Variants in SRRM3 observed in about 807,000 individuals in gnomAD.
SRRM3 encodes the protein serine/arginine repetitive matrix 3.
SRRM3 carries 27 observed loss-of-function variants against 66.2 expected under a neutral mutation model. That is an observed-to-expected ratio of 0.41 (90% CI 0.30 to 0.56). SRRM3 has a LOEUF of 0.56. SRRM3 is among the 20% of genes least tolerant of loss of function. The pLI is 0.32. For missense variants in SRRM3, 918 were observed against 991.9 expected, an observed-to-expected ratio of 0.93 and a Z score of 1.00; for synonymous variants, 391 against 414.9, an observed-to-expected ratio of 0.94 and a Z score of 0.70.
intron 2 of SRRM3, among the ~76,000 whole-genome samples, chr7:76,243,039 A>G (rs1801349380): frequency 1.3e-5 from 2 of 152,124 alleles, no homozygotes; most frequent in South Asian, 4.1e-4. Flanking sequence ...TTCTTGAGGG[A>G]TCCACCCCCA....
chr7:76,258,471 T>C (rs1801768412), intron 3 of SRRM3, among the ~76,000 whole-genome samples: 1 of 151,364 alleles, frequency 6.6e-6, no homozygotes, highest in African/African-American at 2.4e-5. Flanking sequence ...TCCCAGCACG[T>C]TGGGAGGCCA....
At chr7:76,264,619 G>A in intron 8 of SRRM3, 146 bp from the exon 9 acceptor site, 2 of 741,090 alleles carry the variant, frequency 2.7e-6, no homozygotes, top group Non-Finnish European at 4.4e-6. Flanking sequence ...GGGTGGAGTA[G>A]GATGGAAAAG....
intron 3 of SRRM3, among the ~76,000 whole-genome samples, chr7:76,258,497 A>G (rs6978164): frequency 0.39 from 57,417 of 149,032 alleles, 13,263 homozygotes; most frequent in African/African-American, 0.64. Context: ...GGTGGATCAC[A>G]AGGTCAGGAG....
At chr7:76,258,728 AAAAAAGAAAAAG>A (rs1443420352) in intron 3 of SRRM3, among the ~76,000 whole-genome samples, 5 of 139,324 alleles carry the variant, frequency 3.6e-5, no homozygotes, top group South Asian at 2.2e-4. Context: ...AAAAAAAAAA[AAAAAAGAAAAAG>A]AAAAAGAAAA....
chr7:76,253,787 CAAAAAAAAAAAAA>C (rs782083114), intron 3 of SRRM3, among the ~76,000 whole-genome samples: 9 of 64,788 alleles, frequency 1.4e-4, no homozygotes, highest in African/African-American at 4.1e-4. Flanking sequence ...AACTCTGTTT[CAAAAAAAAAAAAA>C]AAAAAAAAAA....
In SRRM3 at chr7:76,260,047, C is replaced by T; in HGVS notation, c.464+13C>T. On this transcript the variant is annotated intron_variant, in intron 4 of 14. Coordinates refer to ENST00000611745, the MANE Select transcript of SRRM3 (RefSeq NM_001110199.3). ...ACCGCGGGTACAGGTCAGCGGCCGCCGCGGCGGGGGTGGGGGGCGCGCGGG... is the reference window on the plus strand; with the variant it reads ...ACCGCGGGTACAGGTCAGCGGCCGCTGCGGCGGGGGTGGGGGGCGCGCGGG... The T allele has an allele frequency of 6.6e-7, 1 of 1,510,672 alleles. No homozygotes were observed. Among genetic ancestry groups the T allele is most frequent in the Non-Finnish European group, 8.8e-7 (1 of 1,136,512 alleles). The allele number at this position is 1,510,672 out of a possible 1,614,324, so 93.6% of individuals were successfully genotyped here.
At chr7:76,281,134 T>G (rs111219217) in intron 11 of SRRM3, among the ~76,000 whole-genome samples, 20,441 of 150,086 alleles carry the variant, frequency 0.14, 1,559 homozygotes, top group East Asian at 0.19. Context: ...CTCTTTCTCT[T>G]CTCTGCCTCC....
At chr7:76,227,261 G>GC (rs1310882047) in intron 1 of SRRM3, among the ~76,000 whole-genome samples, 4 of 152,132 alleles carry the variant, frequency 2.6e-5, no homozygotes, top group African/African-American at 9.7e-5. Context: ...CAGTGTCAAT[G>GC]CCCCCAAAGA....
At chr7:76,222,401 A>C (rs1583877468) in intron 1 of SRRM3, among the ~76,000 whole-genome samples, 11 of 126,270 alleles carry the variant, frequency 8.7e-5, no homozygotes, top group Admixed American at 1.7e-4. Flanking sequence ...GTGATAGGAG[A>C]CCCCGTCTCA....
chr7:76,264,161 CTTT>C (rs781826102), intron 8 of SRRM3, among the ~76,000 whole-genome samples: 3 of 126,358 alleles, frequency 2.4e-5, no homozygotes, highest in Admixed American at 8.1e-5. Flanking sequence ...CAACCCCTGC[CTTT>C]TTTTTTTTTT....
chr7:76,282,548 C>T, intron 12 of SRRM3, 100 bp from the exon 13 acceptor site: 1 of 610,512 alleles, frequency 1.6e-6, no homozygotes, highest in Non-Finnish European at 2.5e-6. Flanking sequence ...CTACACGGAC[C>T]CCGCCCCTCC....
At chr7:76,257,638 T>C (rs965780535) in intron 3 of SRRM3, among the ~76,000 whole-genome samples, 4 of 151,646 alleles carry the variant, frequency 2.6e-5, no homozygotes, top group Admixed American at 2.6e-4. Context: ...TTGGGAGTGG[T>C]GGTGTGCTCC....
intron 1 of SRRM3, among the ~76,000 whole-genome samples, chr7:76,226,872 T>C (rs1228645292): frequency 1.3e-5 from 2 of 152,176 alleles, no homozygotes; most frequent in Non-Finnish European, 2.9e-5. Flanking sequence ...ATTACAGGCA[T>C]AAGCCACCAC....
intron 10 of SRRM3, among the ~76,000 whole-genome samples, chr7:76,265,861 T>TATATA (rs1802011232): frequency 1.5e-4 from 3 of 20,462 alleles, no homozygotes; most frequent in Non-Finnish European, 2.0e-4. Context: ...TATATATATT[T>TATATA]TTTTTTTTTT....
rs1554609405 is a variant in SRRM3 at position 76,265,469 on chromosome 7, G to T, written c.830+1G>T. 13 of 1,599,374 alleles carry T rather than the reference G, an allele frequency of 8.1e-6. No homozygotes were observed. The East Asian group carries it at 3.0e-4, about 37-fold the overall frequency. On this transcript the variant is annotated splice_donor_variant, in intron 10 of 14. Transcript: ENST00000611745. LOFTEE classifies it high-confidence loss of function. Reference sequence around the variant, plus strand: ...ACAGTGATTCCAGATCTCCCAGCAGGTAGGCCTGGGCCTCTGGGAGGCTTT... The same window carrying T: ...ACAGTGATTCCAGATCTCCCAGCAGTTAGGCCTGGGCCTCTGGGAGGCTTT...
At chr7:76,207,616 C>T (rs1218506890) in intron 1 of SRRM3, among the ~76,000 whole-genome samples, 1 of 152,064 alleles carries the variant, frequency 6.6e-6, no homozygotes, top group African/African-American at 2.4e-5. Flanking sequence ...GTAATCCCAG[C>T]ACTTTGGGAA....
chr7:76,281,308 CTCTT>C (rs1802497713), intron 11 of SRRM3, 129 bp from the exon 12 acceptor site: 4 of 582,570 alleles, frequency 6.9e-6, no homozygotes, highest in Non-Finnish European at 9.4e-6. Context: ...TCCCTCTTTC[CTCTT>C]TCTGTCTCTG....
chr7:76,226,201 C>T (rs11767259), intron 1 of SRRM3, among the ~76,000 whole-genome samples: 7,162 of 152,342 alleles, frequency 0.047, 231 homozygotes, highest in East Asian at 0.11. Flanking sequence ...CAATTAATCA[C>T]TTGCAGGTAG....
chr7:76,280,829 C>A (rs182369969), intron 11 of SRRM3, among the ~76,000 whole-genome samples: 1 of 149,984 alleles, frequency 6.7e-6, no homozygotes, highest in Non-Finnish European at 1.5e-5. Context: ...TCTCTGCCCC[C>A]ACTCTTGTCC....
Sources: allele counts gnomAD v4.1 joint callset (sites outside exome capture counted in the v4.1 genomes callset), GRCh38; gene constraint gnomAD v4.1.1; transcripts MANE v1.5; gene names NCBI Gene and HGNC (gene_info 2026-07-23, HGNC 2026-07-21).